The following TCF12 variants were observed in gnomAD, a reference collection of about 807,000 sequenced individuals.
TCF12 encodes the protein DNA-binding protein HTF4.
Under a neutral mutation model 86.0 loss-of-function variants are expected in TCF12, and 45 were observed. The ratio of observed to expected loss-of-function variants is 0.52; its 90% CI spans 0.41 to 0.67. The LOEUF is 0.67. TCF12 is among the 30% of genes least tolerant of loss of function. The pLI is 0.00. For synonymous variants in TCF12, 330 were observed against 299.6 expected, an observed-to-expected ratio of 1.10 and a Z score of -1.05; for missense variants, 881 against 859.9, an observed-to-expected ratio of 1.02 and a Z score of -0.31.
chr15:56,956,568 G>A lies in TCF12; in HGVS notation c.148+35470G>A, dbSNP rs2061513210. 2.6e-5 allele frequency among the ~76,000 whole-genome samples: 4 copies of A among 152,026 alleles called. No homozygotes were observed. The South Asian group carries it at 8.3e-4, about 32-fold the overall frequency. Reference sequence around the variant, plus strand: ...CAACTTTAACCTTTTCTGCAGTAGTGATCTGCTGGTAATGAATTCCTTTCA... The same window carrying A: ...CAACTTTAACCTTTTCTGCAGTAGTAATCTGCTGGTAATGAATTCCTTTCA... On this transcript the variant is annotated intron_variant, in intron 3 of 20. Coordinates refer to ENST00000333725, the MANE Select transcript of TCF12 (RefSeq NM_207037.2).
intron 16 of TCF12, among the ~76,000 whole-genome samples, chr15:57,257,023 C>T (rs772301250): frequency 1.2e-4 from 18 of 152,154 alleles, no homozygotes; most frequent in Non-Finnish European, 2.2e-4. Context: ...TAGTCTCTGT[C>T]ACAACTACTT....
intron 13 of TCF12, among the ~76,000 whole-genome samples, chr15:57,245,748 CT>C (rs1410776341): frequency 6.6e-6 from 1 of 152,166 alleles, no homozygotes; most frequent in African/African-American, 2.4e-5. Flanking sequence ...GTCTTTTTCT[CT>C]TTAATTCAGG....
At chr15:57,071,743 A>G (rs1449897809) in intron 4 of TCF12, among the ~76,000 whole-genome samples, 2 of 152,250 alleles carry the variant, frequency 1.3e-5, no homozygotes, top group African/African-American at 2.4e-5. Flanking sequence ...TTTCTTGGCT[A>G]CTGTGAGATT....
At chr15:57,100,350 G>C (rs2049641808) in intron 5 of TCF12, among the ~76,000 whole-genome samples, 1 of 151,594 alleles carries the variant, frequency 6.6e-6, no homozygotes, top group Non-Finnish European at 1.5e-5. Flanking sequence ...ACACTGTTTT[G>C]ATTTAAGAAA....
intron 6 of TCF12, among the ~76,000 whole-genome samples, chr15:57,178,820 T>C (rs2056136216): frequency 6.6e-6 from 1 of 152,242 alleles, no homozygotes; most frequent in African/African-American, 2.4e-5. Context: ...TTTTGGAAGT[T>C]GGACTTTTTA....
intron 3 of TCF12, among the ~76,000 whole-genome samples, chr15:57,001,012 A>ATTT (rs71113050): frequency 1.0e-3 from 132 of 126,744 alleles, no homozygotes; most frequent in Middle Eastern, 4.2e-3. Flanking sequence ...TTTAAAAAAA[A>ATTT]TTTTTTTTTT....
chr15:57,003,677 T>C (rs1469226678), intron 3 of TCF12, among the ~76,000 whole-genome samples: 1 of 152,214 alleles, frequency 6.6e-6, no homozygotes, highest in South Asian at 2.1e-4. Context: ...TTTTTTGTTA[T>C]CCCGTGTGTG....
In TCF12 at chr15:57,141,412, C is replaced by G. The variant is rs182165294; in HGVS notation, c.326-24990C>G. On this transcript the variant is annotated intron_variant, in intron 5 of 20. Transcript: ENST00000333725. ...ATGCCCAGGCTGGAGTGCAGTGTCA[C>G]GATCTCAGCTCACTGCAACCTCTGC... 1.4e-4 allele frequency among the ~76,000 whole-genome samples: 22 copies of G among 152,266 alleles called. No individual in the cohort carries two copies. In the South Asian group the frequency reaches 2.9e-3, roughly 20 times the overall value.
At chr15:56,945,036 T>G (rs1414026495) in intron 3 of TCF12, among the ~76,000 whole-genome samples, 1 of 152,182 alleles carries the variant, frequency 6.6e-6, no homozygotes, top group Admixed American at 6.6e-5. Flanking sequence ...CACTTTCAAT[T>G]TATAGGTCTT....
chr15:57,156,562 A>C (rs377298775), intron 5 of TCF12, among the ~76,000 whole-genome samples: 2 of 152,198 alleles, frequency 1.3e-5, no homozygotes, highest in East Asian at 1.9e-4. Flanking sequence ...GCTAATTAAC[A>C]ATCATTTATT....
chr15:56,936,457 T>A (rs2060474208), intron 3 of TCF12, among the ~76,000 whole-genome samples: 1 of 152,216 alleles, frequency 6.6e-6, no homozygotes, highest in Admixed American at 6.5e-5. Context: ...AACTGTTCTT[T>A]TGCTGTGCAG....
At chr15:57,009,536 C>T in intron 3 of TCF12, among the ~76,000 whole-genome samples, 1 of 152,148 alleles carries the variant, frequency 6.6e-6, no homozygotes, top group East Asian at 1.9e-4. Context: ...TTTCCTGATA[C>T]ACAGTACTAT....
At chr15:57,207,093 C>T (rs370178894) in intron 8 of TCF12, among the ~76,000 whole-genome samples, 119 of 151,958 alleles carry the variant, frequency 7.8e-4, no homozygotes, top group Admixed American at 1.3e-3. Flanking sequence ...GGTAACAGAA[C>T]AAGACCCTGT....
chr15:57,207,478 C>G (rs1443432020), intron 8 of TCF12, among the ~76,000 whole-genome samples: 2 of 152,126 alleles, frequency 1.3e-5, no homozygotes, highest in Non-Finnish European at 2.9e-5. Flanking sequence ...TGAGGCCAGT[C>G]TGACCAACAT....
chr15:57,109,669 A>G (rs2050361184), intron 5 of TCF12, among the ~76,000 whole-genome samples: 2 of 152,170 alleles, frequency 1.3e-5, no homozygotes, highest in South Asian at 4.1e-4. Context: ...TTTTGTTGAG[A>G]TGGATACTAT....
chr15:57,224,101 A>G (rs1248217230), intron 8 of TCF12, among the ~76,000 whole-genome samples: 3 of 152,050 alleles, frequency 2.0e-5, no homozygotes, highest in African/African-American at 7.2e-5. Flanking sequence ...AGTTAAAACT[A>G]GCTCCTGCTA....
At chr15:57,143,147 G>GT in intron 5 of TCF12, among the ~76,000 whole-genome samples, 1 of 130,236 alleles carries the variant, frequency 7.7e-6, no homozygotes, top group African/African-American at 2.8e-5. Flanking sequence ...CACCTATTAC[G>GT]TGCCCCCCCC....
intron 3 of TCF12, among the ~76,000 whole-genome samples, chr15:56,938,223 C>T (rs1382277442): frequency 4.8e-4 from 73 of 150,758 alleles, no homozygotes; most frequent in African/African-American, 1.7e-3. Flanking sequence ...TGCAGTGGCG[C>T]GACCTTGGCT....
At position 56,950,745 on chromosome 15, in the gene TCF12, GTTTTT is replaced by G. The variant is rs71113040; in HGVS notation, c.148+29671_148+29675del. On this transcript the variant is annotated intron_variant, in intron 3 of 20. Transcript: ENST00000333725. ...TTACAAATAAAGCTATTATGACCAT[GTTTTT>G]TTTTTTTTTTTTTTTTTTTTTTTAA... Among the ~76,000 whole-genome samples the G allele has an allele frequency of 1.2e-3, 102 of 85,894 alleles. 17 individuals carry two copies. Among genetic ancestry groups the G allele is most frequent in the Middle Eastern group, 7.7e-3 (1 of 130 alleles). 56.3% of individuals were successfully genotyped at this position (85,894 alleles called of 152,430 possible).
Sources: allele counts gnomAD v4.1 joint callset (sites outside exome capture counted in the v4.1 genomes callset), GRCh38; gene constraint gnomAD v4.1.1; transcripts MANE v1.5; gene names NCBI Gene and HGNC (gene_info 2026-07-23, HGNC 2026-07-21).